The following ZNF837 variants were observed in gnomAD, a reference collection of about 807,000 sequenced individuals.
The protein encoded by ZNF837 is zinc finger protein 837.
For synonymous variants in ZNF837, 475 were observed against 365.2 expected (o/e 1.30, Z -3.43); for missense variants, 955 against 801.7 (o/e 1.19, Z -2.31).
rs1385271528 is a variant in ZNF837, at chr19:58,368,957, T to G, written c.376A>C (p.Arg126=). ...CGATGCCACGCCAGGCAGGAGTTCC[T>G]GCTGCAGTCCCCGCCACGCGCTGGG... ...RSPARGGDCS[R]NSCLAWHRGA... The change falls in exon 3 of 3, where the codon AGG becomes CGG. Residue 126 remains arginine (R), a synonymous_variant. Coordinates refer to ENST00000597582, the MANE Select transcript of ZNF837 (RefSeq NM_138466.2). 4 of 1,540,884 alleles carry G rather than the reference T, an allele frequency of 2.6e-6. No individual in the cohort carries two copies. The South Asian group carries it at 3.6e-5, about 14-fold the overall frequency.
rs1401500617 is a variant in ZNF837 at position 58,367,822 on chromosome 19, G to A, written c.1511C>T (p.Ala504Val). Residue 504 changes from alanine (A) to valine (V), a missense_variant, in exon 3 of 3, where the codon GCG becomes GTG. Transcript: ENST00000597582. ...GAAGGCGCGGCCGCAATCTCCGCAC[G>A]CGTAGGGCCGCTCGCCCGTGTGCGT... ...LRTHTGERPY[A>V]CGDCGRAFSQ... 1 of 1,536,068 alleles carries A rather than the reference G, an allele frequency of 6.5e-7. No individual in the cohort carries two copies. The highest frequency in any genetic ancestry group is 8.7e-7 in the Non-Finnish European group (1 of 1,145,226).
Position 58,368,215 on chromosome 19 carries a change from C to T in ZNF837, c.1118G>A (p.Gly373Glu). 1 of 1,541,736 alleles carries T rather than the reference C, an allele frequency of 6.5e-7. No homozygotes were observed. Among genetic ancestry groups the T allele is most frequent in the Non-Finnish European group, 8.7e-7 (1 of 1,147,548 alleles). Residue 373 changes from glycine to glutamate, a missense_variant, in exon 3 of 3, where the codon GGG (glycine) becomes GAG (glutamate). Transcript: ENST00000597582. ...GTGCTCCACGAGGTGCGAGAACAGC[C>T]CGAAGGCCTTGGCGCAGTCGGCGCA... is the stretch of plus-strand genomic sequence containing the variant. The part of the protein sequence containing the change: ...YECADCAKAF[G>E]LFSHLVEHRR...
rs2052155355 is a variant in ZNF837, at chr19:58,368,101, C to CT, written c.1231_1232insA (p.Arg411GlnfsTer152). On this transcript the variant is annotated frameshift_variant, in exon 3 of 3. Coordinates refer to ENST00000597582, the MANE Select transcript of ZNF837 (RefSeq NM_138466.2). LOFTEE classifies it low-confidence loss of function (END_TRUNC). ...GTAGGGCTTGGCGCTGCTGTGAGTG[C>CT]GCTGGTGCCGGCTCAGGTTCGAGCG... is the stretch of plus-strand genomic sequence containing the variant. 6.4e-7 allele frequency: 1 copy of CT among 1,562,774 alleles called. No individual in the cohort carries two copies. The highest frequency in any genetic ancestry group is 1.9e-5 in the Admixed American group (1 of 52,892).
rs544395790 is a variant in ZNF837 at position 58,367,853 on chromosome 19, G to C, written c.1480C>G (p.Leu494Val). ...FVRNCSLVRH[L>V]RTHTGERPYA... ...GGCCGCTCGCCCGTGTGCGTGCGCA[G>C]GTGGCGCACCAGGCTGCAGTTGCGC... Residue 494 changes from leucine (L) to valine (V), a missense_variant, in exon 3 of 3, where the codon CTG (leucine) becomes GTG (valine). Leu to Val is a conservative substitution (Grantham distance 32, BLOSUM62 1). Transcript: ENST00000597582. 5.9e-6 allele frequency: 9 copies of C among 1,536,092 alleles called. No homozygotes were observed. The East Asian group carries it at 1.5e-4, about 25-fold the overall frequency.
In ZNF837 at chr19:58,368,815, C is replaced by A; in HGVS notation, c.518G>T (p.Gly173Val). Residue 173 changes from glycine (G) to valine (V), a missense_variant, in exon 3 of 3, where the codon GGG (glycine) becomes GTG (valine). Coordinates refer to ENST00000597582, the MANE Select transcript of ZNF837 (RefSeq NM_138466.2). Reference sequence around the variant, plus strand: ...CCTCGGGCAGGTCGGAGCGCCAGTCCCTGGTTGGCACGGCCAACAGTCCGT... The same window carrying A: ...CCTCGGGCAGGTCGGAGCGCCAGTCACTGGTTGGCACGGCCAACAGTCCGT... ...VHTDCWPCQP[G>V]TGAPTCPRTP... The A allele has an allele frequency of 6.5e-7, 1 of 1,546,334 alleles. No homozygotes were observed. The highest frequency in any genetic ancestry group is 8.7e-7 in the Non-Finnish European group (1 of 1,146,664).
chr19:58,367,881 G>T lies in ZNF837; in HGVS notation c.1452C>A (p.Phe484Leu). The T allele has an allele frequency of 3.9e-6, 6 of 1,535,696 alleles. No homozygotes were observed. The highest frequency in any genetic ancestry group is 3.5e-6 in the Non-Finnish European group (4 of 1,144,332). Residue 484 changes from phenylalanine to leucine, a missense_variant, in exon 3 of 3, where the codon TTC becomes TTA. Coordinates refer to ENST00000597582, the MANE Select transcript of ZNF837 (RefSeq NM_138466.2). ...GGCGCACCAGGCTGCAGTTGCGCAC[G>T]AAGGCCTTGCCGCAGTCGCGGCAGA... ...PYICRDCGKAFVRNCSLVRHL... is the reference protein window; with the variant it reads ...PYICRDCGKALVRNCSLVRHL...
At chr19:58,373,739 G>T (rs955755534) in intron 1 of ZNF837, among the ~76,000 whole-genome samples, 1 of 152,248 alleles carries the variant, frequency 6.6e-6, no homozygotes, top group Admixed American at 6.5e-5. Flanking sequence ...ACAGCAGGTG[G>T]ACATGAATCT....
intron 1 of ZNF837, among the ~76,000 whole-genome samples, chr19:58,379,911 C>G (rs2052276153): frequency 6.6e-6 from 1 of 152,180 alleles, no homozygotes; most frequent in Admixed American, 6.5e-5. Flanking sequence ...TGGAGAATCG[C>G]TTGAACCCGG....
In ZNF837 at chr19:58,368,637, CT is replaced by C. The variant is rs1568565198; in HGVS notation, c.695del (p.Lys232SerfsTer175). The C allele has an allele frequency of 6.5e-7, 1 of 1,530,890 alleles. No individual in the cohort carries two copies. Among genetic ancestry groups the C allele is most frequent in the Admixed American group, 2.0e-5 (1 of 50,602 alleles). The allele number at this position is 1,530,890 out of a possible 1,614,324, so 94.8% of individuals were successfully genotyped here. The stretch of plus-strand genomic sequence containing the variant: ...GCTGCTGCTGGTTGGGGCGGAAGCG[CT>C]TCCCGCACCGGGCACACGGACGGGG... Reference protein sequence around the residue: ...EEPRPCARCGKRFRPNQQQQA... With the variant: ...EEPRPCARCGXRFRPNQQQQA... On this transcript the variant is annotated frameshift_variant, in exon 3 of 3. Transcript: ENST00000597582. LOFTEE classifies it low-confidence loss of function (END_TRUNC).
intron 1 of ZNF837, among the ~76,000 whole-genome samples, chr19:58,371,085 CA>C (rs1189256875): frequency 6.6e-6 from 1 of 151,674 alleles, no homozygotes; most frequent in Non-Finnish European, 1.5e-5. Flanking sequence ...ACTAAAAATA[CA>C]AAAAATTAGC....
At chr19:58,370,515 T>G (rs570037241) in intron 1 of ZNF837, among the ~76,000 whole-genome samples, 23 of 152,282 alleles carry the variant, frequency 1.5e-4, no homozygotes, top group Admixed American at 5.9e-4. Flanking sequence ...GGGCCATTAT[T>G]CTGCTTACAA....
intron 1 of ZNF837, among the ~76,000 whole-genome samples, chr19:58,379,067 T>C (rs777398972): frequency 2.0e-5 from 3 of 152,228 alleles, no homozygotes; most frequent in Non-Finnish European, 4.4e-5. Flanking sequence ...CAGAAACTAA[T>C]AGAGACTGGT....
intron 1 of ZNF837, among the ~76,000 whole-genome samples, chr19:58,378,038 C>G (rs1372490564): frequency 6.6e-6 from 1 of 152,224 alleles, no homozygotes; most frequent in African/African-American, 2.4e-5. Context: ...GTAGTGTTCC[C>G]TCGTCTACCT....
chr19:58,368,926 G>T lies in ZNF837; in HGVS notation c.407C>A (p.Ala136Glu), dbSNP rs905807380. The T allele has an allele frequency of 6.3e-5, 98 of 1,545,792 alleles. No homozygotes were observed. The East Asian group carries it at 2.4e-3, about 38-fold the overall frequency. Residue 136 changes from alanine (A) to glutamate (E), a missense_variant, in exon 3 of 3, where the codon GCG becomes GAG. Coordinates refer to ENST00000597582, the MANE Select transcript of ZNF837 (RefSeq NM_138466.2). ...CACGGGTGGCGTCTCCCCAGCGGGC[G>T]CCCCGCGATGCCACGCCAGGCAGGA... is the stretch of plus-strand genomic sequence containing the variant. Reference protein sequence around the residue: ...RNSCLAWHRGAPAGETPPVCD... With the variant: ...RNSCLAWHRGEPAGETPPVCD...
chr19:58,375,306 AT>A (rs1568568382), intron 1 of ZNF837, among the ~76,000 whole-genome samples: 12 of 45,174 alleles, frequency 2.7e-4, no homozygotes, highest in African/African-American at 5.4e-4. Flanking sequence ...ATATATATAT[AT>A]ATATAAAATT....
rs1196017537 is a variant in ZNF837 at position 58,368,533 on chromosome 19, G to T, written c.800C>A (p.Ala267Asp). The change falls in exon 3 of 3, where the codon GCC (alanine) becomes GAC (aspartate). Residue 267 changes from alanine to aspartate, a missense_variant. Coordinates refer to ENST00000597582, the MANE Select transcript of ZNF837 (RefSeq NM_138466.2). Reference sequence around the variant, plus strand: ...CTCGTCGCAAGCGTACAGTCGCTGGGCCGGGGGGTCGGGGACAATAGGGCG... The same window carrying T: ...CTCGTCGCAAGCGTACAGTCGCTGGTCCGGGGGGTCGGGGACAATAGGGCG... ...RPRPIVPDPP[A>D]QRLYACDECG... is the part of the protein sequence containing the mutation. 1.3e-6 allele frequency: 2 copies of T among 1,542,180 alleles called. No homozygotes were observed. Among genetic ancestry groups the T allele is most frequent in the African/African-American group, 1.4e-5 (1 of 72,946 alleles).
chr19:58,368,734 C>G lies in ZNF837; in HGVS notation c.599G>C (p.Cys200Ser), dbSNP rs1444297607. ...RNPLVEQPRACACGEAFAWRA... is the reference protein window; with the variant it reads ...RNPLVEQPRASACGEAFAWRA... ...CCACGCAAAGGCCTCGCCGCACGCG[C>G]AAGCCCGGGGCTGCTCCACCAAGGG... is the stretch of plus-strand genomic sequence containing the variant. The change falls in exon 3 of 3, where the codon TGC (cysteine) becomes TCC (serine). Residue 200 changes from cysteine to serine, a missense_variant. Coordinates refer to ENST00000597582, the MANE Select transcript of ZNF837 (RefSeq NM_138466.2). 2.0e-6 allele frequency: 3 copies of G among 1,537,578 alleles called. No individual in the cohort carries two copies. The highest frequency in any genetic ancestry group is 2.0e-5 in the Admixed American group (1 of 50,960).
At chr19:58,371,404 T>C (rs1294870224) in intron 1 of ZNF837, among the ~76,000 whole-genome samples, 1 of 152,160 alleles carries the variant, frequency 6.6e-6, no homozygotes, top group Non-Finnish European at 1.5e-5. Context: ...CGAGACTCCG[T>C]CTCAAAAATA....
At chr19:58,371,007 C>T (rs2052196477) in intron 1 of ZNF837, among the ~76,000 whole-genome samples, 1 of 151,856 alleles carries the variant, frequency 6.6e-6, no homozygotes, top group Admixed American at 6.6e-5. Context: ...TTTGGGAGGC[C>T]TAGGTGGGCA....
Sources: gnomAD v4.1 joint callset for allele counts (sites outside exome capture counted in the v4.1 genomes callset) on GRCh38, gnomAD v4.1.1 for gene constraint, MANE v1.5 for transcripts, NCBI Gene and HGNC (gene_info 2026-07-23, HGNC 2026-07-21) for gene names.